RELN: variants seen among roughly 807,000 people sequenced by gnomAD.
RELN encodes reelin.
A neutral mutation model predicts 427.6 loss-of-function variants in RELN; 108 were observed. That is an observed-to-expected ratio of 0.25 (90% CI 0.22 to 0.30). The LOEUF (loss-of-function observed/expected upper bound fraction) is 0.30, where lower values mean the gene tolerates loss of function less well. Ranked by LOEUF, RELN falls within the 10% of genes least tolerant of loss-of-function variation. The pLI is 1.00. For missense variants in RELN, 3,715 were observed against 4,302.8 expected (o/e 0.86, Z 3.82); for synonymous variants, 1,524 against 1,513.4 (o/e 1.01, Z -0.16).
chr7:103,513,821 A>G (rs1349404069), intron 50 of RELN: 2 of 152,140 alleles, frequency 1.3e-5, no homozygotes, highest in East Asian at 3.8e-4. Context: ...TAATTTTGTT[A>G]AAAATATGTT....
chr7:103,528,484 GT>G (rs35464860), intron 46 of RELN, among the ~76,000 whole-genome samples: 1,727 of 148,752 alleles, frequency 0.012, 28 homozygotes, highest in African/African-American at 0.04. Flanking sequence ...AACCCTGTGG[GT>G]TTTTTTTTTT....
chr7:103,881,838 T>C (rs1223800940), intron 2 of RELN, among the ~76,000 whole-genome samples: 2 of 152,202 alleles, frequency 1.3e-5, no homozygotes, highest in East Asian at 3.9e-4. Flanking sequence ...CAACAAGGTT[T>C]TGGGTGGTTT....
intron 2 of RELN, among the ~76,000 whole-genome samples, chr7:103,912,817 T>C (rs938346934): frequency 1.5e-4 from 23 of 152,150 alleles, no homozygotes; most frequent in African/African-American, 5.3e-4. Context: ...AACAATTTTG[T>C]ATGAAAGGAT....
At chr7:103,564,714 G>A (rs943381849) in intron 34 of RELN, among the ~76,000 whole-genome samples, 3 of 152,112 alleles carry the variant, frequency 2.0e-5, no homozygotes, top group African/African-American at 7.2e-5. Context: ...AGGAGGTACA[G>A]CCTCTAACCA....
chr7:103,564,776 C>T (rs1830712041), intron 34 of RELN, among the ~76,000 whole-genome samples: 1 of 152,060 alleles, frequency 6.6e-6, no homozygotes. Flanking sequence ...GATCCAAATG[C>T]CTACACCACA....
At chr7:103,833,429 G>A (rs898716928) in intron 3 of RELN, 108 bp downstream of exon 3, 13 of 1,110,228 alleles carry the variant, frequency 1.2e-5, no homozygotes, top group Admixed American at 1.8e-5. Flanking sequence ...TTTAATTAGG[G>A]TTAAACCTGT....
chr7:103,566,802 A>G (rs1377013023), intron 31 of RELN, 43 bp from the exon 32 acceptor site: 1 of 1,582,714 alleles, frequency 6.3e-7, no homozygotes. Flanking sequence ...ACACTTTCCT[A>G]GAGGGGAAGG....
At chr7:103,859,594 A>G (rs1794025305) in intron 2 of RELN, among the ~76,000 whole-genome samples, 1 of 152,164 alleles carries the variant, frequency 6.6e-6, no homozygotes, top group Admixed American at 6.6e-5. Flanking sequence ...CACCCGGCCA[A>G]AGGTTTCATA....
intron 11 of RELN, among the ~76,000 whole-genome samples, chr7:103,663,316 G>C (rs942595948): frequency 1.3e-5 from 2 of 152,110 alleles, no homozygotes; most frequent in African/African-American, 4.8e-5. Flanking sequence ...TGAGACCCTA[G>C]CACAGTGTTC....
chr7:103,954,996 G>T (rs1407485176), intron 1 of RELN, among the ~76,000 whole-genome samples: 1 of 152,160 alleles, frequency 6.6e-6, no homozygotes, highest in East Asian at 1.9e-4. Context: ...TTTAAAACTG[G>T]TTTTAGCTAA....
intron 50 of RELN, among the ~76,000 whole-genome samples, chr7:103,514,798 AG>A (rs1829519325): frequency 6.6e-6 from 1 of 151,782 alleles, no homozygotes; most frequent in African/African-American, 2.4e-5. Flanking sequence ...TCTGCCCTGT[AG>A]CAAAACACAA....
intron 1 of RELN, among the ~76,000 whole-genome samples, chr7:103,954,954 A>C (rs1796404190): frequency 6.6e-6 from 1 of 152,230 alleles, no homozygotes; most frequent in South Asian, 2.1e-4. Context: ...AAGCCTTTTT[A>C]GCTAAAGAGA....
intron 34 of RELN, 121 bp downstream of exon 34, chr7:103,565,156 TG>T: frequency 7.7e-7 from 1 of 1,303,342 alleles, no homozygotes; most frequent in Non-Finnish European, 1.1e-6. Context: ...TTTTTCTTCC[TG>T]GCACTTCCAT....
chr7:103,634,182 T>C (rs1409182652), intron 19 of RELN, among the ~76,000 whole-genome samples: 1 of 152,122 alleles, frequency 6.6e-6, no homozygotes, highest in African/African-American at 2.4e-5. Flanking sequence ...CTTAACCCTG[T>C]CTTTTTTCCA....
chr7:103,722,505 T>C (rs1790102194), intron 8 of RELN, among the ~76,000 whole-genome samples: 1 of 152,130 alleles, frequency 6.6e-6, no homozygotes, highest in Non-Finnish European at 1.5e-5. Context: ...TTTATACAAG[T>C]TATTTATAAA....
intron 1 of RELN, among the ~76,000 whole-genome samples, chr7:103,919,083 C>T (rs567514204): frequency 6.6e-6 from 1 of 150,732 alleles, no homozygotes; most frequent in Non-Finnish European, 1.5e-5. Flanking sequence ...ATTCCTTTTC[C>T]TCGTTTAAGC....
intron 44 of RELN, 56 bp downstream of exon 44, chr7:103,540,141 G>C (rs980243792): frequency 1.2e-6 from 2 of 1,603,526 alleles, no homozygotes; most frequent in African/African-American, 2.7e-5. Context: ...TGCCTTCTAA[G>C]GCCACATTCA....
intron 10 of RELN, among the ~76,000 whole-genome samples, chr7:103,691,888 T>C (rs1384735640): frequency 6.6e-6 from 1 of 152,086 alleles, no homozygotes; most frequent in African/African-American, 2.4e-5. Context: ...TTTAACAGTA[T>C]CTACTATTTA....
At chr7:103,918,467 T>C (rs915789437) in intron 1 of RELN, among the ~76,000 whole-genome samples, 1 of 152,158 alleles carries the variant, frequency 6.6e-6, no homozygotes, top group Non-Finnish European at 1.5e-5. Flanking sequence ...ATCTAAAATG[T>C]TTTGATGCTG....
Sources: allele counts gnomAD v4.1 joint callset (sites outside exome capture counted in the v4.1 genomes callset), GRCh38; gene constraint gnomAD v4.1.1; transcripts MANE v1.5; gene names NCBI Gene and HGNC (gene_info 2026-07-23, HGNC 2026-07-21).